The following CPNE4 variants were observed in gnomAD, a reference collection of about 807,000 sequenced individuals.
CPNE4 encodes the protein copine 4.
CPNE4 carries 25 observed loss-of-function variants against 67.9 expected under a neutral mutation model. The ratio of observed to expected loss-of-function variants is 0.37; its 90% confidence interval spans 0.27 to 0.51. The LOEUF is 0.51. Among genes scored for constraint, CPNE4 ranks in the 20% least tolerant of loss-of-function variants. CPNE4 has a pLI of 0.93. For synonymous variants in CPNE4, 242 were observed against 244.9 expected, an observed-to-expected ratio of 0.99 and a Z score of 0.11; for missense variants, 464 against 690.8, an observed-to-expected ratio of 0.67 and a Z score of 3.68.
chr3:131,572,754 A>G (rs547163322), intron 10 of CPNE4, among the ~76,000 whole-genome samples: 7 of 152,126 alleles, frequency 4.6e-5, no homozygotes, highest in African/African-American at 4.8e-5. Context: ...TAATGTGCCA[A>G]TGGGGGTTTT....
intron 2 of CPNE4, among the ~76,000 whole-genome samples, chr3:131,783,007 G>A (rs1299258420): frequency 1.3e-5 from 2 of 151,934 alleles, no homozygotes; most frequent in African/African-American, 2.4e-5. Flanking sequence ...ATCCTGGCTG[G>A]GAGAGAAAAC....
intron 1 of CPNE4, among the ~76,000 whole-genome samples, chr3:131,923,136 T>C (rs2070787239): frequency 6.6e-6 from 1 of 152,164 alleles, no homozygotes; most frequent in African/African-American, 2.4e-5. Flanking sequence ...AAAAATGAAT[T>C]AACTTTATTT....
intron 3 of CPNE4, among the ~76,000 whole-genome samples, chr3:131,712,561 A>G (rs1404852934): frequency 6.6e-6 from 1 of 152,252 alleles, no homozygotes; most frequent in East Asian, 1.9e-4. Flanking sequence ...AACTTTATCA[A>G]TAGTTCAAGA....
chr3:131,542,260 A>G (rs1175005901), intron 15 of CPNE4, among the ~76,000 whole-genome samples: 1 of 152,170 alleles, frequency 6.6e-6, no homozygotes, highest in Non-Finnish European at 1.5e-5. Context: ...TATGAATTAT[A>G]GGGCAAGCAT....
At chr3:131,955,059 C>G (rs78867296) in intron 1 of CPNE4, among the ~76,000 whole-genome samples, 1,520 of 148,934 alleles carry the variant, frequency 0.01, 28 homozygotes, top group African/African-American at 0.035. Context: ...CATGTTCCAT[C>G]TTCCCTGTAA....
At chr3:131,676,061 ATTATTATTATT>A (rs1202934567) in intron 6 of CPNE4, among the ~76,000 whole-genome samples, 2 of 132,606 alleles carry the variant, frequency 1.5e-5, no homozygotes, top group East Asian at 4.8e-4. Flanking sequence ...TATTATTATT[ATTATTATTATT>A]TGAGATGGAG....
At chr3:131,813,271 G>A (rs885250) in intron 2 of CPNE4, among the ~76,000 whole-genome samples, 36,859 of 151,094 alleles carry the variant, frequency 0.24, 4,998 homozygotes, top group Middle Eastern at 0.36. Context: ...ATTGAAGTTT[G>A]TAAAATATGT....
intron 2 of CPNE4, among the ~76,000 whole-genome samples, chr3:131,748,413 A>T (rs1424810164): frequency 3.3e-5 from 5 of 151,686 alleles, no homozygotes; most frequent in African/African-American, 4.8e-5. Flanking sequence ...TTTTTTAATA[A>T]TTTTTTTGTC....
At chr3:131,769,966 AAACACT>A (rs2083123408) in intron 2 of CPNE4, among the ~76,000 whole-genome samples, 3 of 152,178 alleles carry the variant, frequency 2.0e-5, no homozygotes, top group Admixed American at 1.3e-4. Flanking sequence ...CTGGGCCCCA[AAACACT>A]CAAGATGAGT....
intron 2 of CPNE4, among the ~76,000 whole-genome samples, chr3:131,842,477 C>G (rs2085825639): frequency 6.6e-6 from 1 of 152,176 alleles, no homozygotes; most frequent in Non-Finnish European, 1.5e-5. Context: ...AGTACCCACT[C>G]TGAACCCAGA....
intron 5 of CPNE4, among the ~76,000 whole-genome samples, chr3:131,694,479 A>G (rs1459381922): frequency 6.6e-6 from 1 of 152,044 alleles, no homozygotes; most frequent in African/African-American, 2.4e-5. Flanking sequence ...CTCCAGTATG[A>G]TTTTGCCACT....
intron 7 of CPNE4, among the ~76,000 whole-genome samples, chr3:131,653,260 T>C (rs1158871775): frequency 1.3e-5 from 2 of 149,084 alleles, no homozygotes; most frequent in Non-Finnish European, 3.0e-5. Context: ...TTCTCCTGCC[T>C]CAGCCTCCTG....
At chr3:131,790,131 C>A (rs1312087956) in intron 2 of CPNE4, among the ~76,000 whole-genome samples, 3 of 152,088 alleles carry the variant, frequency 2.0e-5, no homozygotes, top group Non-Finnish European at 1.5e-5. Context: ...CAGTATAATG[C>A]CAACTTGGAT....
chr3:131,690,685 A>G lies in CPNE4; in HGVS notation c.508-4727T>C, dbSNP rs144277596. On this transcript the variant is annotated intron_variant, in intron 5 of 15. Coordinates refer to ENST00000429747, the MANE Select transcript of CPNE4 (RefSeq NM_130808.3). ...CAACAAAAACAAATTGTAACAAAGAATATTGACAAGTGAGACCTAATTAAA... is the reference window on the plus strand; with the variant it reads ...CAACAAAAACAAATTGTAACAAAGAGTATTGACAAGTGAGACCTAATTAAA... 2.6e-3 allele frequency among the ~76,000 whole-genome samples: 393 copies of G among 152,172 alleles called. 3 individuals are homozygous for G. Among genetic ancestry groups the G allele is most frequent in the African/African-American group, 9.0e-3 (373 of 41,532 alleles).
At chr3:131,569,674 A>G (rs909646362) in intron 10 of CPNE4, among the ~76,000 whole-genome samples, 2 of 151,308 alleles carry the variant, frequency 1.3e-5, no homozygotes, top group African/African-American at 4.8e-5. Flanking sequence ...AAAAAAAAAA[A>G]GAAGAAAGGA....
chr3:131,855,918 T>C (rs1663997907), intron 2 of CPNE4, among the ~76,000 whole-genome samples: 1 of 151,978 alleles, frequency 6.6e-6, no homozygotes, highest in Admixed American at 6.6e-5. Flanking sequence ...TATTGTAAGT[T>C]TATTTCTGCA....
At chr3:131,754,782 G>C (rs1257392705) in intron 2 of CPNE4, among the ~76,000 whole-genome samples, 1 of 152,150 alleles carries the variant, frequency 6.6e-6, no homozygotes, top group African/African-American at 2.4e-5. Context: ...GCACCCCTGG[G>C]CACCACAGTG....
intron 2 of CPNE4, among the ~76,000 whole-genome samples, chr3:131,862,651 G>A (rs12637005): frequency 2.0e-5 from 3 of 151,414 alleles, no homozygotes; most frequent in South Asian, 2.1e-4. Flanking sequence ...TCTCCCGTCC[G>A]ACCAGAAAAT....
At chr3:132,003,563 A>T (rs2073509869) in intron 1 of CPNE4, among the ~76,000 whole-genome samples, 1 of 129,252 alleles carries the variant, frequency 7.7e-6, no homozygotes, top group Non-Finnish European at 1.7e-5. Context: ...ATGAAAAGCC[A>T]TCTTCACCAC....
Sources: allele counts gnomAD v4.1 joint callset (sites outside exome capture counted in the v4.1 genomes callset), GRCh38; gene constraint gnomAD v4.1.1; transcripts MANE v1.5; gene names NCBI Gene and HGNC (gene_info 2026-07-23, HGNC 2026-07-21).